The following ELOVL7 variants were observed in gnomAD, a reference collection of about 807,000 sequenced individuals.
ELOVL7 encodes very long chain fatty acid elongase 7.
Under a neutral mutation model 35.7 loss-of-function variants are expected in ELOVL7, and 27 were observed. The observed-to-expected ratio is 0.76, with a 90% CI of 0.56 to 1.04. The LOEUF (loss-of-function observed/expected upper bound fraction) is 1.04, where lower values mean the gene tolerates loss of function less well. Among genes scored for constraint, ELOVL7 ranks in the 50% least tolerant of loss-of-function variants. The probability of loss-of-function intolerance (pLI) is 0.00; values close to 1 mark genes in which losing one functional copy is unlikely to be tolerated. For synonymous variants in ELOVL7, 113 were observed against 114.6 expected (o/e 0.99, Z 0.09); for missense variants, 327 against 340.8 (o/e 0.96, Z 0.32).
intron 1 of ELOVL7, among the ~76,000 whole-genome samples, chr5:60,807,855 C>T (rs1038786739): frequency 4.0e-5 from 6 of 151,316 alleles, no homozygotes; most frequent in East Asian, 1.9e-4. Context: ...AAAAGTTAGC[C>T]GGGCATGGTG....
intron 2 of ELOVL7, among the ~76,000 whole-genome samples, chr5:60,789,805 T>C (rs1743816271): frequency 6.6e-6 from 1 of 152,196 alleles, no homozygotes; most frequent in South Asian, 2.1e-4. Context: ...CCTCTCCATG[T>C]ACTGATATGG....
intron 2 of ELOVL7, among the ~76,000 whole-genome samples, chr5:60,798,679 G>A (rs1413576294): frequency 6.6e-6 from 1 of 152,134 alleles, no homozygotes; most frequent in Non-Finnish European, 1.5e-5. Flanking sequence ...AAATACATAT[G>A]TACCCAACAT....
At chr5:60,784,895 G>A (rs1303802202) in intron 3 of ELOVL7, among the ~76,000 whole-genome samples, 1 of 152,182 alleles carries the variant, frequency 6.6e-6, no homozygotes, top group Non-Finnish European at 1.5e-5. Context: ...TATGCTATAT[G>A]AAGAGAATTT....
At chr5:60,831,456 T>G (rs1190449228) in intron 1 of ELOVL7, among the ~76,000 whole-genome samples, 2 of 152,212 alleles carry the variant, frequency 1.3e-5, no homozygotes, top group Non-Finnish European at 2.9e-5. Flanking sequence ...ATGGACCTTC[T>G]GAAGTCCATC....
chr5:60,767,074 T>C (rs967034241), intron 5 of ELOVL7, among the ~76,000 whole-genome samples: 22 of 152,176 alleles, frequency 1.4e-4, no homozygotes, highest in Admixed American at 2.6e-4. Flanking sequence ...TCTATACATA[T>C]GCCACATTTT....
At chr5:60,809,028 C>T (rs1037305979) in intron 1 of ELOVL7, among the ~76,000 whole-genome samples, 1 of 152,042 alleles carries the variant, frequency 6.6e-6, no homozygotes, top group Non-Finnish European at 1.5e-5. Context: ...GTTATGAGAA[C>T]AAAATGGTTT....
At chr5:60,800,863 C>A (rs1024037407) in intron 1 of ELOVL7, among the ~76,000 whole-genome samples, 4 of 152,196 alleles carry the variant, frequency 2.6e-5, no homozygotes, top group African/African-American at 9.7e-5. Context: ...GATGTGGAAT[C>A]CTCAGTTATG....
chr5:60,836,016 G>A (rs6881960), intron 1 of ELOVL7, among the ~76,000 whole-genome samples: 3,082 of 152,092 alleles, frequency 0.02, 176 homozygotes, highest in African/African-American at 0.071. Flanking sequence ...GAAATGAAGA[G>A]CATAGGCTCA....
Position 60,843,412 on chromosome 5 carries a change from C to T in ELOVL7, c.-86+748G>A, listed in dbSNP as rs1482629033. 10 of 151,828 alleles carry T rather than the reference C, an allele frequency of 6.6e-5. No homozygotes were observed. In the East Asian group the frequency reaches 1.9e-3, roughly 29 times the overall value. 9.4% of individuals were successfully genotyped at this position (151,828 alleles called of 1,614,324 possible). A position where few individuals can be genotyped will look rare whatever the true frequency, so the allele number is the denominator to read the frequency against. On this transcript the variant is annotated intron_variant, in intron 1 of 8. Transcript: ENST00000508821. ...CTGGGAAAGCCCATTTCCCAAAGAACCAACGATACCTGGGACGACAAAACA... is the reference window on the plus strand; with the variant it reads ...CTGGGAAAGCCCATTTCCCAAAGAATCAACGATACCTGGGACGACAAAACA...
At chr5:60,766,488 G>A in intron 6 of ELOVL7, 86 bp downstream of exon 6, 1 of 1,176,144 alleles carries the variant, frequency 8.5e-7, no homozygotes, top group Non-Finnish European at 1.2e-6. Flanking sequence ...AACTACAGCA[G>A]TTTATTGGTT....
intron 4 of ELOVL7, 60 bp from the exon 5 acceptor site, chr5:60,767,963 G>A (rs961449132): frequency 9.4e-5 from 130 of 1,379,128 alleles, no homozygotes; most frequent in Non-Finnish European, 1.0e-4. Context: ...CCACAACAAA[G>A]GTAGTTTTGA....
chr5:60,796,431 G>T (rs1419523214), intron 2 of ELOVL7, among the ~76,000 whole-genome samples: 1 of 152,220 alleles, frequency 6.6e-6, no homozygotes, highest in African/African-American at 2.4e-5. Context: ...CCTGATTATT[G>T]TAGGATGTTT....
intron 4 of ELOVL7, 100 bp downstream of exon 4, chr5:60,771,803 C>A: frequency 1.1e-6 from 1 of 911,064 alleles, no homozygotes; most frequent in Non-Finnish European, 1.6e-6. Flanking sequence ...TTCTTAATTC[C>A]TTAAATTGCA....
intron 1 of ELOVL7, among the ~76,000 whole-genome samples, chr5:60,811,436 C>A (rs1427444860): frequency 6.6e-6 from 1 of 152,052 alleles, no homozygotes; most frequent in Non-Finnish European, 1.5e-5. Flanking sequence ...TTTCCCACTA[C>A]ATTTTGTTAG....
chr5:60,768,454 ATAT>A (rs1173947913), intron 4 of ELOVL7, among the ~76,000 whole-genome samples: 1 of 152,192 alleles, frequency 6.6e-6, no homozygotes, highest in Non-Finnish European at 1.5e-5. Flanking sequence ...CATGGCTCAG[ATAT>A]TATTAATAGT....
intron 1 of ELOVL7, among the ~76,000 whole-genome samples, chr5:60,815,888 A>C (rs200141800): frequency 6.6e-6 from 1 of 152,218 alleles, no homozygotes; most frequent in Non-Finnish European, 1.5e-5. Flanking sequence ...GGCAGTTTTT[A>C]TCTGAGGTCA....
chr5:60,828,962 G>A (rs923364838), intron 1 of ELOVL7, among the ~76,000 whole-genome samples: 6 of 152,138 alleles, frequency 3.9e-5, no homozygotes, highest in South Asian at 2.1e-4. Context: ...TGGTATGGCT[G>A]TAATTTTTTA....
At chr5:60,823,379 T>A (rs1412307045) in intron 1 of ELOVL7, among the ~76,000 whole-genome samples, 1 of 152,138 alleles carries the variant, frequency 6.6e-6, no homozygotes, top group East Asian at 1.9e-4. Context: ...ATGTACCATG[T>A]CCAGTAATTG....
intron 2 of ELOVL7, among the ~76,000 whole-genome samples, chr5:60,789,741 G>A (rs745531611): frequency 5.3e-5 from 8 of 152,142 alleles, no homozygotes; most frequent in Non-Finnish European, 8.8e-5. Context: ...GTTAATAAGT[G>A]ATAACAGATT....
Sources: gnomAD v4.1 joint callset for allele counts (sites outside exome capture counted in the v4.1 genomes callset) on GRCh38, gnomAD v4.1.1 for gene constraint, MANE v1.5 for transcripts, NCBI Gene and HGNC (gene_info 2026-07-23, HGNC 2026-07-21) for gene names.